The following EPN1 variants were observed in gnomAD, a reference collection of about 807,000 sequenced individuals.
The protein encoded by EPN1 is epsin-1.
Under a neutral mutation model 56.9 loss-of-function variants are expected in EPN1, and 25 were observed. The ratio of observed to expected loss-of-function variants is 0.44; its 90% CI spans 0.32 to 0.61. The LOEUF is 0.61. Among genes scored for constraint, EPN1 ranks in the 20% least tolerant of loss-of-function variants. The pLI is 0.05. For synonymous variants in EPN1, 411 were observed against 361.8 expected (o/e 1.14, Z -1.54); for missense variants, 785 against 823.7 (o/e 0.95, Z 0.58).
chr19:55,695,279 C>T lies in EPN1; in HGVS notation c.1654C>T (p.Leu552Phe), dbSNP rs1177603444. The T allele has an allele frequency of 1.9e-6, 3 of 1,597,934 alleles. No homozygotes were observed. The highest frequency in any genetic ancestry group is 2.6e-6 in the Non-Finnish European group (3 of 1,174,166). ...AGCGCCACCCACGTACATCTCTCCC[C>T]TTGGCGGGGGCCCTGGCCTGCCCCC... ...PGAPPTYISP[L>F]GGGPGLPPMM... The change falls in exon 11 of 11, where the codon CTT (leucine) becomes TTT (phenylalanine). Residue 552 changes from leucine to phenylalanine, a missense_variant. Leu to Phe is a conservative substitution (Grantham distance 22). Around this residue, in one of 2 missense-constraint regions of EPN1, gnomAD observed 650 missense variants for 605.0 expected, o/e 1.07. Coordinates refer to ENST00000270460, the MANE Select transcript of EPN1 (RefSeq NM_001130072.2). This position sits in a 1 kb window ranked among gnomAD's most constrained non-coding sequence, Gnocchi z 4.4.
intron 2 of EPN1, among the ~76,000 whole-genome samples, chr19:55,683,829 C>T (rs550208706): frequency 2.0e-5 from 3 of 152,360 alleles, no homozygotes; most frequent in South Asian, 2.1e-4. Flanking sequence ...ATCCGTTCGG[C>T]ACAAAGTCTG....
At chr19:55,676,963 C>T (rs1460208739) in intron 1 of EPN1, 1 of 595,040 alleles carries the variant, frequency 1.7e-6, no homozygotes, top group South Asian at 2.3e-5. Context: ...TTTGTTACAT[C>T]ATCTCTTCAT....
intron 1 of EPN1, among the ~76,000 whole-genome samples, chr19:55,676,039 G>A (rs1222023843): frequency 6.6e-6 from 1 of 152,194 alleles, no homozygotes; most frequent in African/African-American, 2.4e-5. Flanking sequence ...TGCCTGCTAA[G>A]CTGTGTAATT....
Position 55,692,682 on chromosome 19 carries a change from C to T in EPN1, c.1067-4C>T. On this transcript the variant is annotated splice_region_variant and splice_polypyrimidine_tract_variant and intron_variant, in intron 7 of 10. Transcript: ENST00000270460. Reference sequence around the variant, plus strand: ...GCCCCTCATGCTCTTCTGTCCTCACCCAGGTGGGGTCCCGGTCAGTGGGCC... The same window carrying T: ...GCCCCTCATGCTCTTCTGTCCTCACTCAGGTGGGGTCCCGGTCAGTGGGCC... 6.5e-7 allele frequency: 1 copy of T among 1,530,070 alleles called. No homozygotes were observed. The highest frequency in any genetic ancestry group is 8.8e-7 in the Non-Finnish European group (1 of 1,135,858). 94.8% of individuals were successfully genotyped at this position (1,530,070 alleles called of 1,614,324 possible).
Position 55,708,267 on chromosome 19 carries a change from C to T in EPN1, c.*12911C>T, listed in dbSNP as rs1987525671. ...ATGTTTTGTAATAAAAATTTTAGAC[C>T]AGGCCAATAAGGCATCAGCAATTTA... is the stretch of plus-strand genomic sequence containing the variant. On this transcript the variant is annotated 3_prime_UTR_variant, in exon 11 of 11. Coordinates refer to ENST00000270460, the MANE Select transcript of EPN1 (RefSeq NM_001130072.2). 6.6e-6 allele frequency: 1 copy of T among 152,056 alleles called. No individual in the cohort carries two copies. The highest frequency in any genetic ancestry group is 2.4e-5 in the African/African-American group (1 of 41,404). The allele number at this position is 152,056 out of a possible 1,614,324, so 9.4% of individuals were successfully genotyped here.
At position 55,689,990 on chromosome 19, in the gene EPN1, T is replaced by A. The variant is rs1568574520; in HGVS notation, c.762+40T>A. 1.3e-6 allele frequency: 2 copies of A among 1,534,622 alleles called. No individual in the cohort carries two copies. Among genetic ancestry groups the A allele is most frequent in the Admixed American group, 3.9e-5 (2 of 51,658 alleles). ...TTCTGCCCTCCCTGGCCCCTGCAGGTGTCCGTCCGTCCCATCGCTCATTCC... is the reference window on the plus strand; with the variant it reads ...TTCTGCCCTCCCTGGCCCCTGCAGGAGTCCGTCCGTCCCATCGCTCATTCC... On this transcript the variant is annotated intron_variant, in intron 6 of 10. Transcript: ENST00000270460. This position sits in a 1 kb window ranked among gnomAD's most constrained non-coding sequence, Gnocchi z 5.7.
chr19:55,687,883 G>A (rs1004224914), intron 3 of EPN1, among the ~76,000 whole-genome samples: 2 of 152,218 alleles, frequency 1.3e-5, no homozygotes, highest in Admixed American at 6.5e-5. Context: ...CGGTGCAGGT[G>A]GGGCCGCCAG....
chr19:55,679,967 GGCCCCAGACGCA>G (rs1985701610), intron 2 of EPN1, among the ~76,000 whole-genome samples: 1 of 152,202 alleles, frequency 6.6e-6, no homozygotes, highest in African/African-American at 2.4e-5. Context: ...AATCCAGAGG[GGCCCCAGACGCA>G]CATCCTTCCT....
rs1415125654 is a variant in EPN1, at chr19:55,704,339, C to T, written c.*8983C>T. The T allele has an allele frequency of 6.6e-6, 1 of 152,268 alleles. No homozygotes were observed. Among genetic ancestry groups the T allele is most frequent in the African/African-American group, 2.4e-5 (1 of 41,438 alleles). The allele number at this position is 152,268 out of a possible 1,614,324, so 9.4% of individuals were successfully genotyped here. ...ACCGACCCCGTACCCCAGAATGGGG[C>T]TGTATTTGGAGACAGGGCCTTTACA... On this transcript the variant is annotated 3_prime_UTR_variant, in exon 11 of 11. Transcript: ENST00000270460.
In EPN1 at chr19:55,698,179, C is replaced by T. The variant is rs1986984277; in HGVS notation, c.*2823C>T. The T allele has an allele frequency of 6.6e-6, 1 of 152,026 alleles. No individual in the cohort carries two copies. The highest frequency in any genetic ancestry group is 6.6e-5 in the Admixed American group (1 of 15,238). 9.4% of individuals were successfully genotyped at this position (152,026 alleles called of 1,614,324 possible). The stretch of plus-strand genomic sequence containing the variant: ...GGGTTCATTTGCTGAAAGGATTTTA[C>T]AAGGGCATGCACGGATGGGCCTAGG... On this transcript the variant is annotated 3_prime_UTR_variant, in exon 11 of 11. Transcript: ENST00000270460.
At position 55,703,555 on chromosome 19, in the gene EPN1, C is replaced by T. The variant is rs1417043763; in HGVS notation, c.*8199C>T. 2 of 152,208 alleles carry T rather than the reference C, an allele frequency of 1.3e-5. No homozygotes were observed. The highest frequency in any genetic ancestry group is 2.9e-5 in the Non-Finnish European group (2 of 68,082). 9.4% of individuals were successfully genotyped at this position (152,208 alleles called of 1,614,324 possible). A position where few individuals can be genotyped will look rare whatever the true frequency, so the allele number is the denominator to read the frequency against. ...GCCAGGCTGGTCTGGAACTCCTGAC[C>T]TCAGGTGATCCACCTGCCTCGGCCC... is the stretch of plus-strand genomic sequence containing the variant. On this transcript the variant is annotated 3_prime_UTR_variant, in exon 11 of 11. Transcript: ENST00000270460.
rs549730544 is a variant in EPN1, at chr19:55,688,988, C to T, written c.597C>T (p.Ala199=). 4.2e-5 allele frequency: 67 copies of T among 1,597,102 alleles called. No homozygotes were observed. Among genetic ancestry groups the T allele is most frequent in the Admixed American group, 1.0e-4 (6 of 58,850 alleles). The change falls in exon 4 of 11, where the codon GCC becomes GCT. Residue 199 remains alanine, a synonymous_variant. Coordinates refer to ENST00000270460, the MANE Select transcript of EPN1 (RefSeq NM_001130072.2). ...CCCTGGCCATGAGCAAGGAGGAGGCCGACCAGGTACTGGGCGTGCAGCTGG... is the reference window on the plus strand; with the variant it reads ...CCCTGGCCATGAGCAAGGAGGAGGCTGACCAGGTACTGGGCGTGCAGCTGG... ...QLALAMSKEE[A]DQPPSCGPED...
In EPN1 at chr19:55,698,162, T is replaced by C. The variant is rs1262349626; in HGVS notation, c.*2806T>C. On this transcript the variant is annotated 3_prime_UTR_variant, in exon 11 of 11. Coordinates refer to ENST00000270460, the MANE Select transcript of EPN1 (RefSeq NM_001130072.2). The stretch of plus-strand genomic sequence containing the variant: ...TGGGGGGGATGGCGGCGGGGTTCAT[T>C]TGCTGAAAGGATTTTACAAGGGCAT... 6.6e-6 allele frequency: 1 copy of C among 151,410 alleles called. No individual in the cohort carries two copies. Among genetic ancestry groups the C allele is most frequent in the Non-Finnish European group, 1.5e-5 (1 of 67,928 alleles). 9.4% of individuals were successfully genotyped at this position (151,410 alleles called of 1,614,324 possible).
Position 55,706,882 on chromosome 19 carries a change from A to G in EPN1, c.*11526A>G, listed in dbSNP as rs1987449668. 1 of 151,972 alleles carries G rather than the reference A, an allele frequency of 6.6e-6. No individual in the cohort carries two copies. The highest frequency in any genetic ancestry group is 1.5e-5 in the Non-Finnish European group (1 of 68,020). The allele number at this position is 151,972 out of a possible 1,614,324, so 9.4% of individuals were successfully genotyped here. A position where few individuals can be genotyped will look rare whatever the true frequency, so the allele number is the denominator to read the frequency against. On this transcript the variant is annotated 3_prime_UTR_variant, in exon 11 of 11. Transcript: ENST00000270460. ...AGTGAGACCCCGTCTATACTAAAAA[A>G]TATTTAAATGGGCTGAGCGCGGTGG...
intron 7 of EPN1, 56 bp downstream of exon 7, chr19:55,692,113 G>C: frequency 2.2e-6 from 3 of 1,372,974 alleles, no homozygotes; most frequent in Non-Finnish European, 2.8e-6. Flanking sequence ...CCTGTCTTTG[G>C]TTGACTGTGC....
intron 2 of EPN1, 130 bp from the exon 3 acceptor site, chr19:55,685,266 T>A (rs1986087889): frequency 1.8e-6 from 2 of 1,129,958 alleles, no homozygotes; most frequent in South Asian, 3.0e-5. Context: ...CAGATGTGTG[T>A]CCACCCACTG....
Position 55,689,612 on chromosome 19 carries a change from C to T in EPN1, c.678+241C>T, listed in dbSNP as rs563299488. On this transcript the variant is annotated intron_variant, in intron 5 of 10. Coordinates refer to ENST00000270460, the MANE Select transcript of EPN1 (RefSeq NM_001130072.2). This position sits in a 1 kb window ranked among gnomAD's most constrained non-coding sequence, Gnocchi z 5.7. ...GACCAGGGTCCCTTCCTCCCCCCAA[C>T]GCAGGAGATACCACCGAGGCGGGTG... is the stretch of plus-strand genomic sequence containing the variant. Among the ~76,000 whole-genome samples the T allele has an allele frequency of 6.6e-5, 10 of 152,282 alleles. No individual in the cohort carries two copies. In the East Asian group the frequency reaches 7.7e-4, roughly 12 times the overall value.
chr19:55,694,561 T>A lies in EPN1; in HGVS notation c.1265-165T>A. ...TGGGAATCTGGGCTGACGTGAGGTT[T>A]TGGCCTGGGCAAGCGATGCTTCCGC... is the stretch of plus-strand genomic sequence containing the variant. On this transcript the variant is annotated intron_variant, in intron 9 of 10. Coordinates refer to ENST00000270460, the MANE Select transcript of EPN1 (RefSeq NM_001130072.2). This position sits in a 1 kb window ranked among gnomAD's most constrained non-coding sequence, Gnocchi z 4.2. The A allele has an allele frequency of 1.3e-6, 1 of 780,008 alleles. No individual in the cohort carries two copies. 48.3% of individuals were successfully genotyped at this position (780,008 alleles called of 1,614,324 possible).
intron 3 of EPN1, among the ~76,000 whole-genome samples, chr19:55,688,189 C>T (rs1422603413): frequency 1.3e-5 from 2 of 152,124 alleles, no homozygotes; most frequent in Middle Eastern, 3.2e-3. Context: ...CAAGGGTCCA[C>T]AGGCCTTGGG....
Sources: allele counts gnomAD v4.1 joint callset (sites outside exome capture counted in the v4.1 genomes callset), GRCh38; gene constraint gnomAD v4.1.1; regional missense constraint gnomAD v4.1.1; non-coding constraint Gnocchi (gnomAD v3.1); transcripts MANE v1.5; gene names NCBI Gene and HGNC (gene_info 2026-07-23, HGNC 2026-07-21).